CRTC1: variants seen among roughly 807,000 people sequenced by gnomAD.
CRTC1 encodes the protein CREB-regulated transcription coactivator 1.
In CRTC1, 18 loss-of-function variants were observed where a neutral mutation model predicts 66.1. That is an observed-to-expected ratio of 0.27 (90% CI 0.19 to 0.40). CRTC1 has a LOEUF of 0.40. Ranked by LOEUF, CRTC1 falls within the 10% of genes least tolerant of loss-of-function variation. The pLI is 1.00. For synonymous variants in CRTC1, 416 were observed against 398.8 expected, an observed-to-expected ratio of 1.04 and a Z score of -0.51; for missense variants, 669 against 887.9, an observed-to-expected ratio of 0.75 and a Z score of 3.13.
intron 1 of CRTC1, among the ~76,000 whole-genome samples, chr19:18,737,204 G>A (rs559229193): frequency 7.9e-5 from 12 of 151,322 alleles, no homozygotes; most frequent in African/African-American, 2.9e-4. Flanking sequence ...AGGGGTGGGG[G>A]TCAGCGGAGG....
chr19:18,740,332 C>CCT, intron 1 of CRTC1, among the ~76,000 whole-genome samples: 1 of 152,258 alleles, frequency 6.6e-6, no homozygotes, highest in Admixed American at 6.5e-5. Context: ...CCAGTCAGCC[C>CCT]CTCATGTGAA....
chr19:18,775,341 G>T (rs968060657), intron 12 of CRTC1, among the ~76,000 whole-genome samples: 90 of 152,388 alleles, frequency 5.9e-4, no homozygotes, highest in African/African-American at 1.8e-3. Context: ...TTGCCGGGAG[G>T]TCGTGCTGGC....
intron 1 of CRTC1, among the ~76,000 whole-genome samples, chr19:18,698,805 G>T (rs529594752): frequency 6.6e-6 from 1 of 151,668 alleles, no homozygotes; most frequent in Non-Finnish European, 1.5e-5. Flanking sequence ...ACAGTGTTCA[G>T]CAGGCACACG....
chr19:18,742,328 G>A (rs76549431), intron 1 of CRTC1, among the ~76,000 whole-genome samples: 37 of 152,308 alleles, frequency 2.4e-4, no homozygotes, highest in Non-Finnish European at 3.4e-4. Context: ...GGCTGGGAAG[G>A]ACCATGAGGA....
At chr19:18,743,559 C>T (rs1047319435) in intron 2 of CRTC1, among the ~76,000 whole-genome samples, 16 of 152,100 alleles carry the variant, frequency 1.1e-4, no homozygotes, top group Non-Finnish European at 1.0e-4. Context: ...GGGGTGGGGC[C>T]GAGGGAGCTG....
chr19:18,733,446 T>G (rs1391436129), intron 1 of CRTC1, among the ~76,000 whole-genome samples: 2 of 152,204 alleles, frequency 1.3e-5, no homozygotes. Context: ...GCAGCAACCA[T>G]GCCTGATAAA....
chr19:18,756,450 C>T (rs2145790444), intron 6 of CRTC1, among the ~76,000 whole-genome samples: 1 of 151,608 alleles, frequency 6.6e-6, no homozygotes, highest in South Asian at 2.1e-4. Context: ...AGTTTGAGAC[C>T]AGCGTGGGCA....
intron 3 of CRTC1, 135 bp from the exon 4 acceptor site, chr19:18,746,918 G>T (rs1040582643): frequency 2.4e-5 from 17 of 722,466 alleles, no homozygotes; most frequent in Admixed American, 1.3e-4. Context: ...AACGCCCCCC[G>T]CCCTACTGGT....
rs777461134 is a variant in CRTC1 at position 18,734,496 on chromosome 19, A to G, written c.127-8414A>G. On this transcript the variant is annotated intron_variant, in intron 1 of 13. Coordinates refer to ENST00000321949, the MANE Select transcript of CRTC1 (RefSeq NM_015321.3). ...GGAGGATTGCTTGAGGCCAGCCTGG[A>G]CAACATGGGGGACCCTGTCTCTACA... Among the ~76,000 whole-genome samples, 183 of 151,184 alleles carry G rather than the reference A, an allele frequency of 1.2e-3. 1 individual carries two copies. The highest frequency in any genetic ancestry group is 2.3e-3 in the Non-Finnish European group (153 of 67,806).
At chr19:18,743,137 A>G in intron 2 of CRTC1, 111 bp downstream of exon 2, 1 of 840,966 alleles carries the variant, frequency 1.2e-6, no homozygotes. Flanking sequence ...GGCGGAGCCC[A>G]CCCAACCACT....
rs747046357 is a variant in CRTC1, at chr19:18,768,529, C to T, written c.1056C>T (p.Tyr352=). Residue 352 remains tyrosine, a synonymous_variant, in exon 10 of 14, where the codon TAC becomes TAT. Coordinates refer to ENST00000321949, the MANE Select transcript of CRTC1 (RefSeq NM_015321.3). The surrounding 1 kb of genome is among the most constrained non-coding windows in gnomAD (Gnocchi z 5.6). Reference sequence around the variant, plus strand: ...TGTCTCTGGAGCAGCAGCTGCCCTACGCCTTCTTCACCCAGGCGGGCTCCC... The same window carrying T: ...TGTCTCTGGAGCAGCAGCTGCCCTATGCCTTCTTCACCCAGGCGGGCTCCC... ...DALSLEQQLP[Y]AFFTQAGSQQ... is the part of the protein sequence containing the mutation. 8.1e-6 allele frequency: 13 copies of T among 1,609,562 alleles called. No individual in the cohort carries two copies. The highest frequency in any genetic ancestry group is 3.3e-5 in the Admixed American group (2 of 59,900).
At chr19:18,713,577 C>G (rs937698374) in intron 1 of CRTC1, among the ~76,000 whole-genome samples, 4 of 34,414 alleles carry the variant, frequency 1.2e-4, no homozygotes, top group Non-Finnish European at 1.9e-4. Flanking sequence ...CGTGCCCCTC[C>G]TCCCTCCAAT....
chr19:18,702,695 C>T (rs370269357), intron 1 of CRTC1, among the ~76,000 whole-genome samples: 2 of 151,890 alleles, frequency 1.3e-5, no homozygotes, highest in African/African-American at 2.4e-5. Flanking sequence ...CCACCACACC[C>T]GGCTAATTTT....
chr19:18,713,131 A>G (rs1422781935), intron 1 of CRTC1, among the ~76,000 whole-genome samples: 1 of 151,976 alleles, frequency 6.6e-6, no homozygotes, highest in African/African-American at 2.4e-5. Context: ...GGCCTCTCTC[A>G]CTCAGCATCG....
At position 18,760,862 on chromosome 19, in the gene CRTC1, G is replaced by A. The variant is rs1489325095; in HGVS notation, c.886+634G>A. On this transcript the variant is annotated intron_variant, in intron 8 of 13. Coordinates refer to ENST00000321949, the MANE Select transcript of CRTC1 (RefSeq NM_015321.3). The surrounding 1 kb of genome is among the most constrained non-coding windows in gnomAD (Gnocchi z 6.2). The stretch of plus-strand genomic sequence containing the variant: ...GACATGGACCTGACCCATTGTCAGC[G>A]TGTCCTGTCGGTTCCGCCCTCAGGA... 1.3e-5 allele frequency among the ~76,000 whole-genome samples: 2 copies of A among 151,368 alleles called. No homozygotes were observed. Among genetic ancestry groups the A allele is most frequent in the South Asian group, 2.1e-4 (1 of 4,782 alleles).
chr19:18,767,680 G>A (rs1193190944), intron 9 of CRTC1, among the ~76,000 whole-genome samples: 1 of 152,170 alleles, frequency 6.6e-6, no homozygotes, highest in African/African-American at 2.4e-5. Context: ...AGCTGTGGGC[G>A]CTGGCTCCTG....
In CRTC1 at chr19:18,720,525, GTT is replaced by G. The variant is rs35827745; in HGVS notation, c.127-22364_127-22363del. 5.9e-3 allele frequency among the ~76,000 whole-genome samples: 622 copies of G among 105,036 alleles called. 3 individuals carry two copies. Among genetic ancestry groups the G allele is most frequent in the African/African-American group, 0.017 (473 of 28,360 alleles). 68.9% of individuals were successfully genotyped at this position (105,036 alleles called of 152,430 possible). A position where few individuals can be genotyped will look rare whatever the true frequency, so the allele number is the denominator to read the frequency against. On this transcript the variant is annotated intron_variant, in intron 1 of 13. Transcript: ENST00000321949. ...CCACCACGCCCGGCTAATTTTTAGT[GTT>G]TTTTTTTTTTTTTTTTTTTTAGCAG...
intron 12 of CRTC1, 27 bp from the exon 13 acceptor site, chr19:18,775,614 C>T (rs1433986595): frequency 2.6e-6 from 4 of 1,536,470 alleles, no homozygotes; most frequent in Non-Finnish European, 3.5e-6. Context: ...CGGTGGCCCT[C>T]ACAGCCTGGT....
chr19:18,765,626 A>C (rs989996694), intron 9 of CRTC1, 98 bp downstream of exon 9: 1 of 1,220,228 alleles, frequency 8.2e-7, no homozygotes. Flanking sequence ...CCAGGAGGCC[A>C]CAAAACCTTG....
Sources: allele counts gnomAD v4.1 joint callset (sites outside exome capture counted in the v4.1 genomes callset), GRCh38; gene constraint gnomAD v4.1.1; non-coding constraint Gnocchi (gnomAD v3.1); transcripts MANE v1.5; gene names NCBI Gene and HGNC (gene_info 2026-07-23, HGNC 2026-07-21).